Variants in SCG5 observed in about 807,000 individuals in gnomAD.
SCG5 encodes neuroendocrine protein 7B2.
SCG5 carries 18 observed loss-of-function variants against 25.7 expected under a neutral mutation model. The observed-to-expected ratio is 0.70, with a 90% confidence interval of 0.48 to 1.04. The LOEUF is 1.04. SCG5 is among the 50% of genes least tolerant of loss of function. The pLI, the probability that SCG5 is intolerant of heterozygous loss-of-function variation, is 0.00. For synonymous variants in SCG5, 101 were observed against 91.7 expected (o/e 1.10, Z -0.58); for missense variants, 206 against 259.8 (o/e 0.79, Z 1.42).
At chr15:32,676,186 A>G (rs2054527210) in intron 2 of SCG5, among the ~76,000 whole-genome samples, 1 of 152,174 alleles carries the variant, frequency 6.6e-6, no homozygotes, top group South Asian at 2.1e-4. Flanking sequence ...CTCAGTTCCT[A>G]CCTCAGTGAG....
intron 2 of SCG5, among the ~76,000 whole-genome samples, chr15:32,675,120 G>T (rs1242407592): frequency 1.3e-5 from 2 of 152,160 alleles, no homozygotes; most frequent in Non-Finnish European, 2.9e-5. Context: ...CATTTGGCAA[G>T]AATTAAATAT....
intron 2 of SCG5, among the ~76,000 whole-genome samples, chr15:32,667,599 G>A (rs886766489): frequency 5.9e-5 from 9 of 152,244 alleles, no homozygotes; most frequent in Admixed American, 2.6e-4. Flanking sequence ...ACATAACATT[G>A]AGTTCTGGCT....
intron 2 of SCG5, among the ~76,000 whole-genome samples, chr15:32,676,937 A>G (rs932886202): frequency 5.3e-5 from 8 of 152,250 alleles, no homozygotes; most frequent in Admixed American, 2.6e-4. Flanking sequence ...ATTTTAACAT[A>G]TAGCCATCAG....
intron 4 of SCG5, among the ~76,000 whole-genome samples, chr15:32,690,868 A>T (rs1028759956): frequency 6.6e-6 from 1 of 150,818 alleles, no homozygotes; most frequent in African/African-American, 2.5e-5. Flanking sequence ...CCTCTTTTAT[A>T]CATCATTTTC....
At chr15:32,695,452 C>T (rs769483914) in intron 5 of SCG5, among the ~76,000 whole-genome samples, 2 of 151,912 alleles carry the variant, frequency 1.3e-5, no homozygotes, top group African/African-American at 2.4e-5. Flanking sequence ...GAATCCACAC[C>T]TCAATAAATA....
chr15:32,656,520 C>T (rs537631402), intron 2 of SCG5, among the ~76,000 whole-genome samples: 1 of 152,156 alleles, frequency 6.6e-6, no homozygotes, highest in Non-Finnish European at 1.5e-5. Context: ...TTAAGCTTTA[C>T]GAGTTAAATG....
chr15:32,643,857 C>T (rs773055771), intron 2 of SCG5, 39 bp downstream of exon 2: 11 of 1,536,934 alleles, frequency 7.2e-6, no homozygotes, highest in East Asian at 2.3e-5. Flanking sequence ...TTTCCGTTAG[C>T]ATTTTAAATA....
chr15:32,669,434 C>T (rs1054818164), intron 2 of SCG5, among the ~76,000 whole-genome samples: 3 of 152,128 alleles, frequency 2.0e-5, no homozygotes, highest in East Asian at 1.9e-4. Context: ...TTCTATATCC[C>T]GTTATTTTTT....
chr15:32,687,344 A>C (rs2054733166), intron 4 of SCG5, among the ~76,000 whole-genome samples: 1 of 152,194 alleles, frequency 6.6e-6, no homozygotes, highest in Non-Finnish European at 1.5e-5. Flanking sequence ...AAAGACTAGA[A>C]TCTAGGATCA....
At chr15:32,645,166 A>G (rs1295768453) in intron 2 of SCG5, among the ~76,000 whole-genome samples, 1 of 152,178 alleles carries the variant, frequency 6.6e-6, no homozygotes. Context: ...AAGCACACCT[A>G]TATATTTCAG....
intron 2 of SCG5, among the ~76,000 whole-genome samples, chr15:32,668,463 G>A (rs1358335474): frequency 6.6e-6 from 1 of 152,196 alleles, no homozygotes; most frequent in East Asian, 1.9e-4. Flanking sequence ...TGACATGATG[G>A]AATAATTACA....
intron 1 of SCG5, among the ~76,000 whole-genome samples, chr15:32,642,114 T>C (rs1019907787): frequency 3.9e-5 from 6 of 152,118 alleles, no homozygotes; most frequent in African/African-American, 1.2e-4. Flanking sequence ...CTCAGCTCTT[T>C]GGAGAGCAAG....
chr15:32,643,321 GAGAACCGCCATTCC>G (rs2053895404), intron 1 of SCG5, among the ~76,000 whole-genome samples: 1 of 152,196 alleles, frequency 6.6e-6, no homozygotes, highest in South Asian at 2.1e-4. Context: ...AATTATGAGT[GAGAACCGCCATTCC>G]AGCCTAGCTT....
At position 32,696,156 on chromosome 15, in the gene SCG5, C is replaced by T. The variant is rs570469498; in HGVS notation, c.544-358C>T. Among the ~76,000 whole-genome samples the T allele has an allele frequency of 5.3e-5, 8 of 151,850 alleles. No homozygotes were observed. The South Asian group carries it at 1.0e-3, about 20-fold the overall frequency. ...TTTTTGAGACAAAATCTTGCTCTGT[C>T]GCCCAGGCTGGAGTGCAGTGGCATG... On this transcript the variant is annotated intron_variant, in intron 5 of 5. Coordinates refer to ENST00000300175, the MANE Select transcript of SCG5 (RefSeq NM_001144757.3).
intron 5 of SCG5, among the ~76,000 whole-genome samples, chr15:32,696,118 CTTTTT>C (rs1567093521): frequency 6.6e-6 from 1 of 151,724 alleles, no homozygotes; most frequent in African/African-American, 2.4e-5. Context: ...CTTTTCTTTT[CTTTTT>C]TCTTTTTTTT....
At chr15:32,683,292 T>C (rs1413461358) in intron 3 of SCG5, among the ~76,000 whole-genome samples, 1 of 152,148 alleles carries the variant, frequency 6.6e-6, no homozygotes, top group African/African-American at 2.4e-5. Flanking sequence ...CATTATGTCT[T>C]TCAAATGAGA....
intron 2 of SCG5, among the ~76,000 whole-genome samples, chr15:32,646,336 C>T (rs899360564): frequency 6.6e-6 from 1 of 152,178 alleles, no homozygotes; most frequent in African/African-American, 2.4e-5. Context: ...GCGTCCTCTT[C>T]CAAGCTCGTT....
intron 2 of SCG5, among the ~76,000 whole-genome samples, chr15:32,658,636 C>T (rs2054164585): frequency 6.6e-6 from 1 of 152,176 alleles, no homozygotes; most frequent in African/African-American, 2.4e-5. Context: ...CTGAGAAGCT[C>T]CAGCCTCCCT....
chr15:32,674,611 C>T (rs1377403476), intron 2 of SCG5, among the ~76,000 whole-genome samples: 8 of 152,098 alleles, frequency 5.3e-5, no homozygotes, highest in Non-Finnish European at 1.2e-4. Context: ...TCTGGACAAG[C>T]GATCATTGGA....
Sources: allele counts gnomAD v4.1 joint callset (sites outside exome capture counted in the v4.1 genomes callset), GRCh38; gene constraint gnomAD v4.1.1; transcripts MANE v1.5; gene names NCBI Gene and HGNC (gene_info 2026-07-23, HGNC 2026-07-21).